The following ATP9B variants were observed in gnomAD, a reference collection of about 807,000 sequenced individuals.
ATP9B encodes ATPase phospholipid transporting 9B.
In ATP9B, 110 loss-of-function variants were observed where a neutral mutation model predicts 146.1. The ratio of observed to expected loss-of-function variants is 0.75; its 90% CI spans 0.65 to 0.88. The LOEUF is 0.88. Ranked by LOEUF, ATP9B falls within the 40% of genes least tolerant of loss-of-function variation. The pLI, the probability that ATP9B is intolerant of heterozygous loss-of-function variation, is 0.00. For missense variants in ATP9B, 1,499 were observed against 1,496.4 expected, an observed-to-expected ratio of 1.00 and a Z score of -0.03; for synonymous variants, 604 against 569.7, an observed-to-expected ratio of 1.06 and a Z score of -0.86.
intron 26 of ATP9B, among the ~76,000 whole-genome samples, chr18:79,367,571 C>T (rs113274636): frequency 1.4e-4 from 20 of 146,328 alleles, no homozygotes; most frequent in African/African-American, 4.1e-4. Context: ...GCAGAGAAAG[C>T]GCCTCCTCAA....
At chr18:79,312,833 C>T (rs148882701) in intron 15 of ATP9B, among the ~76,000 whole-genome samples, 1 of 152,328 alleles carries the variant, frequency 6.6e-6, no homozygotes, top group East Asian at 1.9e-4. Context: ...CGATAAAGAA[C>T]TTAAGTTCCT....
At chr18:79,201,873 TA>T (rs199794380) in intron 9 of ATP9B, among the ~76,000 whole-genome samples, 38 of 151,952 alleles carry the variant, frequency 2.5e-4, no homozygotes, top group African/African-American at 8.0e-4. Flanking sequence ...ATTTCTGATT[TA>T]AAAAAATTTT....
intron 11 of ATP9B, among the ~76,000 whole-genome samples, chr18:79,245,516 G>A (rs184363374): frequency 2.8e-5 from 4 of 144,166 alleles, no homozygotes; most frequent in African/African-American, 8.0e-5. Context: ...CTGAAACTTC[G>A]AAAAGCCTTA....
intron 10 of ATP9B, among the ~76,000 whole-genome samples, chr18:79,212,237 A>G (rs748583434): frequency 6.6e-6 from 1 of 152,234 alleles, no homozygotes; most frequent in Non-Finnish European, 1.5e-5. Flanking sequence ...TAATTCTAGT[A>G]AGTGTTGATT....
chr18:79,099,984 G>A (rs956172604), intron 2 of ATP9B, among the ~76,000 whole-genome samples: 3 of 152,058 alleles, frequency 2.0e-5, no homozygotes, highest in African/African-American at 7.2e-5. Flanking sequence ...AATTAGCTGG[G>A]CATGGTGGTG....
intron 7 of ATP9B, among the ~76,000 whole-genome samples, chr18:79,165,843 G>A (rs1449947758): frequency 6.6e-6 from 1 of 152,156 alleles, no homozygotes; most frequent in East Asian, 1.9e-4. Flanking sequence ...TTCCTGACAG[G>A]CTTGGCCTAG....
intron 4 of ATP9B, among the ~76,000 whole-genome samples, chr18:79,118,386 TTTTG>T (rs1483084939): frequency 3.5e-5 from 4 of 115,038 alleles, no homozygotes; most frequent in African/African-American, 1.1e-4. Context: ...TATTGAACGT[TTTTG>T]TTTTTTTTTT....
chr18:79,359,483 G>A (rs1383939333), intron 26 of ATP9B, 21 bp downstream of exon 26: 1 of 1,576,998 alleles, frequency 6.3e-7, no homozygotes, highest in South Asian at 1.1e-5. Context: ...CAGGCAAGCT[G>A]TCTGCCTCAC....
chr18:79,196,220 AATT>A (rs2095416516), intron 9 of ATP9B, among the ~76,000 whole-genome samples: 1 of 152,182 alleles, frequency 6.6e-6, no homozygotes, highest in Non-Finnish European at 1.5e-5. Flanking sequence ...TGCAAGTGCC[AATT>A]CTGTGGAGAG....
At chr18:79,283,459 T>C (rs951882414) in intron 13 of ATP9B, among the ~76,000 whole-genome samples, 2 of 152,210 alleles carry the variant, frequency 1.3e-5, no homozygotes, top group African/African-American at 4.8e-5. Context: ...TCAGTAAGCT[T>C]TTGGATAAGA....
chr18:79,186,640 T>G (rs2095310526), intron 8 of ATP9B, among the ~76,000 whole-genome samples: 1 of 152,230 alleles, frequency 6.6e-6, no homozygotes, highest in Non-Finnish European at 1.5e-5. Context: ...AACATTCTAG[T>G]AGAAGTTTCA....
At chr18:79,277,986 C>G (rs1012287734) in intron 13 of ATP9B, among the ~76,000 whole-genome samples, 7 of 152,094 alleles carry the variant, frequency 4.6e-5, no homozygotes, top group African/African-American at 1.2e-4. Context: ...AATCTGCAAA[C>G]AAGACTGTTA....
At chr18:79,337,110 T>G (rs376363139) in intron 18 of ATP9B, among the ~76,000 whole-genome samples, 169 bp from the exon 19 acceptor site, 11 of 150,986 alleles carry the variant, frequency 7.3e-5, no homozygotes, top group African/African-American at 2.7e-4. Context: ...CCTCCCACTC[T>G]GTCCCCACAG....
chr18:79,251,273 G>A (rs903594594), intron 11 of ATP9B, among the ~76,000 whole-genome samples: 2 of 152,188 alleles, frequency 1.3e-5, no homozygotes, highest in African/African-American at 4.8e-5. Context: ...ACCCACACTC[G>A]GCACACCAGT....
At chr18:79,237,689 T>TG (rs72074123) in intron 11 of ATP9B, among the ~76,000 whole-genome samples, 5 of 142,774 alleles carry the variant, frequency 3.5e-5, no homozygotes, top group South Asian at 4.5e-4. Flanking sequence ...TTTTTTTTTT[T>TG]GGGGGGGGGT....
chr18:79,208,966 C>T (rs1401906485), intron 10 of ATP9B, among the ~76,000 whole-genome samples: 1 of 152,180 alleles, frequency 6.6e-6, no homozygotes, highest in Non-Finnish European at 1.5e-5. Flanking sequence ...CACATTTAGC[C>T]AGGGAAACCT....
intron 12 of ATP9B, among the ~76,000 whole-genome samples, chr18:79,270,850 T>C (rs1426261082): frequency 6.6e-6 from 1 of 152,208 alleles, no homozygotes; most frequent in Non-Finnish European, 1.5e-5. Context: ...CACAGGCCCC[T>C]CTGTGTATTT....
At chr18:79,298,782 A>G (rs1295696903) in intron 13 of ATP9B, among the ~76,000 whole-genome samples, 1 of 146,388 alleles carries the variant, frequency 6.8e-6, no homozygotes, top group Non-Finnish European at 1.5e-5. Context: ...ATGGGAACAG[A>G]ACATCAGTAT....
At chr18:79,259,472 AC>A in intron 12 of ATP9B, among the ~76,000 whole-genome samples, 1 of 152,336 alleles carries the variant, frequency 6.6e-6, no homozygotes, top group South Asian at 2.1e-4. Context: ...ATGTTGTTTG[AC>A]AAAGTGATAA....
Sources: allele counts gnomAD v4.1 joint callset (sites outside exome capture counted in the v4.1 genomes callset), GRCh38; gene constraint gnomAD v4.1.1; transcripts MANE v1.5; gene names NCBI Gene and HGNC (gene_info 2026-07-23, HGNC 2026-07-21).